The following RBPJ variants were observed in gnomAD, a reference collection of about 807,000 sequenced individuals.
RBPJ encodes recombination signal binding protein for immunoglobulin kappa J region, also known as recombining binding protein suppressor of hairless.
Under a neutral mutation model 67.8 loss-of-function variants are expected in RBPJ, and 9 were observed. The observed-to-expected ratio is 0.13, with a 90% confidence interval of 0.08 to 0.23. The LOEUF (loss-of-function observed/expected upper bound fraction) is 0.23. Ranked by LOEUF, RBPJ falls within the 10% of genes least tolerant of loss-of-function variation. The pLI is 1.00. For synonymous variants in RBPJ, 198 were observed against 203.3 expected, an observed-to-expected ratio of 0.97 and a Z score of 0.22; for missense variants, 305 against 595.6, an observed-to-expected ratio of 0.51 and a Z score of 5.08.
At chr4:26,426,114 G>T (rs1476968290) in intron 7 of RBPJ, among the ~76,000 whole-genome samples, 1 of 152,158 alleles carries the variant, frequency 6.6e-6, no homozygotes, top group Non-Finnish European at 1.5e-5. Context: ...GGAATGAAGG[G>T]CATGAAAAAC....
chr4:26,311,867 G>C (rs1560256019), intron 1 of RBPJ, among the ~76,000 whole-genome samples: 1 of 151,926 alleles, frequency 6.6e-6, no homozygotes, highest in Non-Finnish European at 1.5e-5. Flanking sequence ...GGAGTTCAAA[G>C]CTGCAATGAA....
intron 1 of RBPJ, among the ~76,000 whole-genome samples, chr4:26,337,438 T>A (rs1350202308): frequency 6.6e-6 from 1 of 152,116 alleles, no homozygotes; most frequent in East Asian, 1.9e-4. Flanking sequence ...TCTTGTTGCT[T>A]GGGTGGTTAA....
chr4:26,227,949 G>A lies in RBPJ; in HGVS notation c.-167+64335G>A, dbSNP rs574299023. 2.0e-5 allele frequency among the ~76,000 whole-genome samples: 3 copies of A among 152,280 alleles called. No homozygotes were observed. The South Asian group carries it at 6.2e-4, about 32-fold the overall frequency. The stretch of plus-strand genomic sequence containing the variant: ...ACTGCTGCCTGTCTCCAGGCTTCAC[G>A]GGCAGTTCCTGCCTCTGTGCCAGCG... On this transcript the variant is annotated intron_variant, in intron 1 of 4. Coordinates refer to the RBPJ transcript ENST00000512351.
intron 1 of RBPJ, among the ~76,000 whole-genome samples, chr4:26,343,820 G>A (rs1409849338): frequency 7.5e-6 from 1 of 133,712 alleles, no homozygotes; most frequent in African/African-American, 2.9e-5. Context: ...GTGTGGTCTC[G>A]GCTCACTGCA....
chr4:26,360,167 C>T (rs1488049020), intron 1 of RBPJ, among the ~76,000 whole-genome samples: 2 of 151,980 alleles, frequency 1.3e-5, no homozygotes, highest in African/African-American at 2.4e-5. Flanking sequence ...TAATATAATC[C>T]ACCAAATAAG....
At chr4:26,305,809 C>T (rs1357350483) in intron 1 of RBPJ, among the ~76,000 whole-genome samples, 24 of 88,336 alleles carry the variant, frequency 2.7e-4, no homozygotes, top group Admixed American at 1.6e-3. Context: ...GACTGAGTTT[C>T]ACTCTTGTCA....
At chr4:26,203,377 C>T (rs1718058186) in intron 1 of RBPJ, among the ~76,000 whole-genome samples, 1 of 152,178 alleles carries the variant, frequency 6.6e-6, no homozygotes, top group African/African-American at 2.4e-5. Context: ...CAAATGCAAC[C>T]TTCTCCCCAG....
At chr4:26,340,586 G>A (rs773959288) in intron 1 of RBPJ, among the ~76,000 whole-genome samples, 8 of 152,228 alleles carry the variant, frequency 5.3e-5, no homozygotes, top group South Asian at 2.1e-4. Flanking sequence ...GGGGCCGGGC[G>A]GGGTAGCTCA....
chr4:26,192,168 C>T (rs1172809408), intron 1 of RBPJ, among the ~76,000 whole-genome samples: 2 of 152,058 alleles, frequency 1.3e-5, no homozygotes, highest in Non-Finnish European at 2.9e-5. Flanking sequence ...CCACCACGCC[C>T]GGCTACTTTT....
Position 26,430,632 on chromosome 4 carries a change from A to G in RBPJ, c.1149-60A>G. 1 of 1,576,052 alleles carries G rather than the reference A, an allele frequency of 6.3e-7. No homozygotes were observed. The highest frequency in any genetic ancestry group is 1.2e-5 in the South Asian group (1 of 86,676). ...ATTAAACAACCTTGTGTTAAGTCTC[A>G]TTTTTAACATGTACTTTGCTTTTTA... is the stretch of plus-strand genomic sequence containing the variant. On this transcript the variant is annotated intron_variant, in intron 10 of 10. Transcript: ENST00000355476. This position sits in a 1 kb window ranked among gnomAD's most constrained non-coding sequence, Gnocchi z 4.1.
chr4:26,363,254 C>T (rs1483762803), intron 1 of RBPJ, among the ~76,000 whole-genome samples: 1 of 152,026 alleles, frequency 6.6e-6, no homozygotes, highest in Non-Finnish European at 1.5e-5. Context: ...ATTCTTCTGC[C>T]TCAGCTTCCT....
intron 1 of RBPJ, among the ~76,000 whole-genome samples, chr4:26,265,703 C>A (rs1244462157): frequency 6.6e-6 from 1 of 151,930 alleles, no homozygotes; most frequent in Non-Finnish European, 1.5e-5. Context: ...CTAGAGAGAG[C>A]CCTTCTCTGT....
the RBPJ span, among the ~76,000 whole-genome samples, chr4:26,157,511 T>C: frequency 1.3e-5 from 2 of 152,186 alleles, no homozygotes; most frequent in Admixed American, 6.5e-5. Context: ...CTTATTTACT[T>C]TCAAAGAAAA....
intron 1 of RBPJ, among the ~76,000 whole-genome samples, chr4:26,259,580 A>T (rs570235151): frequency 3.9e-5 from 6 of 152,306 alleles, no homozygotes; most frequent in African/African-American, 1.4e-4. Context: ...ACTTTTTAAA[A>T]TTCCACTGAA....
At chr4:26,345,894 G>T (rs529009220) in intron 1 of RBPJ, among the ~76,000 whole-genome samples, 8 of 152,234 alleles carry the variant, frequency 5.3e-5, no homozygotes, top group African/African-American at 1.9e-4. Flanking sequence ...CAGTGATGCT[G>T]GGGCTTAAAA....
intron 1 of RBPJ, among the ~76,000 whole-genome samples, chr4:26,171,280 T>A (rs1218648033): frequency 6.6e-6 from 1 of 152,184 alleles, no homozygotes. Flanking sequence ...ACTAATCGCC[T>A]AGGTTAAAAC....
At chr4:26,319,567 G>C, upstream of RBPJ, 1 of 493,028 alleles carries the variant, frequency 2.0e-6, no homozygotes, top group Non-Finnish European at 3.7e-6. Flanking sequence ...TCCTGCCTTG[G>C]CTCCGCGAGA....
At chr4:26,412,656 A>G (rs1226709166) in intron 3 of RBPJ, among the ~76,000 whole-genome samples, 1 of 152,250 alleles carries the variant, frequency 6.6e-6, no homozygotes, top group Non-Finnish European at 1.5e-5. Flanking sequence ...CACAACCTGT[A>G]CTAAAACACA....
intron 1 of RBPJ, among the ~76,000 whole-genome samples, chr4:26,168,650 T>G (rs1009713540): frequency 6.6e-6 from 1 of 152,240 alleles, no homozygotes; most frequent in African/African-American, 2.4e-5. Flanking sequence ...TTCTCCTGGA[T>G]AATATCCTGC....
Sources: gnomAD v4.1 joint callset for allele counts (sites outside exome capture counted in the v4.1 genomes callset) on GRCh38, gnomAD v4.1.1 for gene constraint, Gnocchi (gnomAD v3.1) non-coding constraint, MANE v1.5 for transcripts, NCBI Gene and HGNC (gene_info 2026-07-23, HGNC 2026-07-21) for gene names.